The following ZNF704 variants were observed in gnomAD, a reference collection of about 807,000 sequenced individuals.
ZNF704 encodes zinc finger protein 704.
Under a neutral mutation model 44.7 loss-of-function variants are expected in ZNF704, and 10 were observed. That is an observed-to-expected ratio of 0.22 (90% CI 0.14 to 0.38). The LOEUF (loss-of-function observed/expected upper bound fraction) is 0.38, where lower values mean the gene tolerates loss of function less well. ZNF704 is among the 10% of genes least tolerant of loss of function. The probability of loss-of-function intolerance (pLI) is 1.00; values close to 1 mark genes in which losing one functional copy is unlikely to be tolerated. For synonymous variants in ZNF704, 211 were observed against 207.6 expected, an observed-to-expected ratio of 1.02 and a Z score of -0.14; for missense variants, 390 against 545.5, an observed-to-expected ratio of 0.71 and a Z score of 2.84.
At chr8:80,749,436 G>A (rs990854845) in intron 2 of ZNF704, 1 of 152,508 alleles carries the variant, frequency 6.6e-6, no homozygotes, top group African/African-American at 2.4e-5. Context: ...GTCGCATAAT[G>A]TGGAAACAGC....
intron 1 of ZNF704, among the ~76,000 whole-genome samples, chr8:80,858,293 A>C (rs1808997107): frequency 6.6e-6 from 1 of 152,220 alleles, no homozygotes; most frequent in South Asian, 2.1e-4. Context: ...TTTGGATGGA[A>C]GATCACTGAT....
At chr8:80,862,218 T>C (rs1318688424) in intron 1 of ZNF704, among the ~76,000 whole-genome samples, 2 of 152,088 alleles carry the variant, frequency 1.3e-5, no homozygotes, top group East Asian at 3.9e-4. Flanking sequence ...CATTAACTTG[T>C]AAATGAATTT....
At chr8:80,841,659 A>G (rs1046587643) in intron 1 of ZNF704, among the ~76,000 whole-genome samples, 1 of 152,242 alleles carries the variant, frequency 6.6e-6, no homozygotes, top group African/African-American at 2.4e-5. Flanking sequence ...ATTTTTAAAC[A>G]TATCATTTAA....
At chr8:80,743,009 C>T (rs978377476) in intron 2 of ZNF704, among the ~76,000 whole-genome samples, 2 of 152,048 alleles carry the variant, frequency 1.3e-5, no homozygotes, top group Non-Finnish European at 2.9e-5. Context: ...CACTAAAATG[C>T]TAATTAGGCA....
chr8:80,681,024 C>T (rs573211563), intron 4 of ZNF704, among the ~76,000 whole-genome samples: 1 of 151,996 alleles, frequency 6.6e-6, no homozygotes, highest in African/African-American at 2.4e-5. Flanking sequence ...TTTTTTGATT[C>T]ACTCACTGTT....
chr8:80,670,215 C>T (rs1190744464), intron 5 of ZNF704, among the ~76,000 whole-genome samples: 1 of 152,210 alleles, frequency 6.6e-6, no homozygotes, highest in Admixed American at 6.5e-5. Flanking sequence ...CCCTGAAGAG[C>T]TGACATTATT....
chr8:80,847,843 T>G (rs1034395136), intron 1 of ZNF704, among the ~76,000 whole-genome samples: 1 of 152,230 alleles, frequency 6.6e-6, no homozygotes, highest in Admixed American at 6.5e-5. Flanking sequence ...TGCAAAATGG[T>G]ACAGCCACTA....
intron 4 of ZNF704, chr8:80,673,170 A>T (rs748834554): frequency 2.0e-5 from 3 of 152,196 alleles, no homozygotes; most frequent in Non-Finnish European, 4.4e-5. Flanking sequence ...ATTACAGGAA[A>T]TGTTAAATTA....
At chr8:80,799,930 T>C (rs1050562216) in intron 2 of ZNF704, among the ~76,000 whole-genome samples, 2 of 151,790 alleles carry the variant, frequency 1.3e-5, no homozygotes, top group Non-Finnish European at 2.9e-5. Context: ...AAAAAAACAA[T>C]ACAGGAGCTG....
rs1412526253 is a variant in ZNF704, at chr8:80,638,277, C to T, written c.*3089G>A. 1 of 152,178 alleles carries T rather than the reference C, an allele frequency of 6.6e-6. No individual in the cohort carries two copies. The highest frequency in any genetic ancestry group is 1.5e-5 in the Non-Finnish European group (1 of 68,046). The allele number at this position is 152,178 out of a possible 1,614,324, so 9.4% of individuals were successfully genotyped here. On this transcript the variant is annotated 3_prime_UTR_variant, in exon 9 of 9. Coordinates refer to ENST00000327835, the MANE Select transcript of ZNF704 (RefSeq NM_001033723.3). ...TTTGGAGAGAGATGAAAAACCTTTT[C>T]TGAAGGCTGGGGTGTCAAAGGATAA...
At chr8:80,845,415 T>A (rs1808752508) in intron 1 of ZNF704, among the ~76,000 whole-genome samples, 1 of 152,236 alleles carries the variant, frequency 6.6e-6, no homozygotes, top group Non-Finnish European at 1.5e-5. Flanking sequence ...GCTACTCACC[T>A]TTCTTCCACT....
intron 2 of ZNF704, among the ~76,000 whole-genome samples, chr8:80,795,143 C>T (rs1169843306): frequency 6.6e-6 from 1 of 152,152 alleles, no homozygotes; most frequent in Non-Finnish European, 1.5e-5. Flanking sequence ...TGAATAACAA[C>T]ACAGAGACTC....
At chr8:80,800,168 T>C (rs931934193) in intron 2 of ZNF704, among the ~76,000 whole-genome samples, 1 of 152,186 alleles carries the variant, frequency 6.6e-6, no homozygotes, top group Non-Finnish European at 1.5e-5. Context: ...TATGGGATTA[T>C]GTAAGGAGAC....
chr8:80,753,677 A>G (rs1351350047), intron 2 of ZNF704, among the ~76,000 whole-genome samples: 1 of 152,208 alleles, frequency 6.6e-6, no homozygotes, highest in Non-Finnish European at 1.5e-5. Context: ...CATTTTATAA[A>G]GAAGGAAGCA....
intron 1 of ZNF704, among the ~76,000 whole-genome samples, chr8:80,862,615 A>AAAAAAAT (rs1450301838): frequency 2.2e-4 from 33 of 150,284 alleles, no homozygotes; most frequent in African/African-American, 6.9e-4. Flanking sequence ...AAAAAAAAAA[A>AAAAAAAT]TTAGTCAAAT....
chr8:80,817,545 C>G (rs536485372), intron 2 of ZNF704, among the ~76,000 whole-genome samples: 26 of 152,232 alleles, frequency 1.7e-4, no homozygotes, highest in Non-Finnish European at 3.1e-4. Flanking sequence ...TCAGGTGTTT[C>G]TCTTACTAAA....
intron 2 of ZNF704, among the ~76,000 whole-genome samples, chr8:80,701,249 C>T (rs1046071284): frequency 5.9e-5 from 9 of 152,184 alleles, no homozygotes; most frequent in African/African-American, 2.2e-4. Flanking sequence ...ATCCTACCTG[C>T]ACTTGGCCTC....
chr8:80,687,479 T>C (rs986022060), intron 3 of ZNF704, 21 bp from the exon 4 acceptor site: 1 of 1,499,966 alleles, frequency 6.7e-7, no homozygotes, highest in Non-Finnish European at 8.9e-7. Context: ...ACAAACACAG[T>C]CAGTGCCAGG....
intron 2 of ZNF704, among the ~76,000 whole-genome samples, chr8:80,760,654 CA>C (rs1156753093): frequency 0.14 from 8,231 of 59,830 alleles, 576 homozygotes; most frequent in African/African-American, 0.36. Context: ...GACTCCATCT[CA>C]AAAAAAAAAA....
Sources: allele counts gnomAD v4.1 joint callset (sites outside exome capture counted in the v4.1 genomes callset), GRCh38; gene constraint gnomAD v4.1.1; transcripts MANE v1.5; gene names NCBI Gene and HGNC (gene_info 2026-07-23, HGNC 2026-07-21).